CHD5: variants seen among roughly 807,000 people sequenced by gnomAD.
CHD5 encodes ATP-dependent chromatin remodeler CHD5.
Under a neutral mutation model 230.3 loss-of-function variants are expected in CHD5, and 69 were observed. The observed-to-expected ratio is 0.30, with a 90% CI of 0.25 to 0.37. CHD5 has a LOEUF of 0.37. Among genes scored for constraint, CHD5 ranks in the 10% least tolerant of loss-of-function variants. The pLI is 1.00. For missense variants in CHD5, 1,827 were observed against 2,622.8 expected (o/e 0.70, Z 6.63); for synonymous variants, 1,064 against 1,065.9 (o/e 1.00, Z 0.03).
rs1287350413 is a variant in CHD5 at position 6,149,040 on chromosome 1, G to A, written c.1197C>T (p.Asp399=). ...KEGIQWEPKD[D]DDEEEEGGCE... is the part of the protein sequence containing the mutation. ...AGCCGCCCTCCTCCTCTTCATCGTC[G>A]TCGTCCTTCGGCTCCCACTGGATCC... Residue 399 remains aspartate (D), a synonymous_variant, in exon 9 of 42, where the codon GAC becomes GAT. Transcript: ENST00000262450. The A allele has an allele frequency of 2.5e-6, 4 of 1,583,116 alleles. No homozygotes were observed. The highest frequency in any genetic ancestry group is 1.8e-5 in the Admixed American group (1 of 56,298).
intron 11 of CHD5, among the ~76,000 whole-genome samples, chr1:6,144,827 CA>C (rs1666884946): frequency 6.6e-6 from 1 of 152,224 alleles, no homozygotes; most frequent in African/African-American, 2.4e-5. Flanking sequence ...ACCCGGTGAG[CA>C]GCGGCTGCTG....
chr1:6,128,320 G>C lies in CHD5; in HGVS notation c.3731-102C>G. On this transcript the variant is annotated intron_variant, in intron 24 of 41. Coordinates refer to ENST00000262450, the MANE Select transcript of CHD5 (RefSeq NM_015557.3). The surrounding 1 kb of genome is among the most constrained non-coding windows in gnomAD (Gnocchi z 7.8). ...ACAATGGCCCTTCCCATCCCCAGCA[G>C]GGGCTGCAGCTGAGAGGCATGGTGA... 7.8e-7 allele frequency: 1 copy of C among 1,276,500 alleles called. No individual in the cohort carries two copies. The highest frequency in any genetic ancestry group is 2.0e-5 in the Admixed American group (1 of 50,522). The allele number at this position is 1,276,500 out of a possible 1,614,324, so 79.1% of individuals were successfully genotyped here. A position where few individuals can be genotyped will look rare whatever the true frequency, so the allele number is the denominator to read the frequency against.
chr1:6,115,261 A>AG (rs1293510828), intron 33 of CHD5, among the ~76,000 whole-genome samples: 4 of 151,980 alleles, frequency 2.6e-5, no homozygotes, highest in Non-Finnish European at 5.9e-5. Context: ...AAAAAAAAAA[A>AG]AAAGAAAGGA....
At chr1:6,150,924 C>T in intron 7 of CHD5, 108 bp downstream of exon 7, 2 of 1,316,836 alleles carry the variant, frequency 1.5e-6, no homozygotes, top group African/African-American at 1.5e-5. Context: ...AGGTTCCATG[C>T]CCCGCACATC....
rs1266679384 is a variant in CHD5, at chr1:6,154,312, C to T, written c.745+348G>A. Among the ~76,000 whole-genome samples, 19 of 152,166 alleles carry T rather than the reference C, an allele frequency of 1.2e-4. 1 individual carries two copies. The highest frequency in any genetic ancestry group is 1.2e-3 in the Admixed American group (19 of 15,280). ...CAAGAGCCTGCCAACTCCCAGAAAC[C>T]CAGGCTGGAGCGGCTCCACTCTGCG... On this transcript the variant is annotated intron_variant, in intron 5 of 41. Transcript: ENST00000262450. This position sits in a 1 kb window ranked among gnomAD's most constrained non-coding sequence, Gnocchi z 7.0.
At chr1:6,160,786 C>G (rs1307435746) in intron 2 of CHD5, among the ~76,000 whole-genome samples, 1 of 152,228 alleles carries the variant, frequency 6.6e-6, no homozygotes, top group Non-Finnish European at 1.5e-5. Context: ...AGTTTCCTGT[C>G]TGTACAGGCA....
intron 31 of CHD5, among the ~76,000 whole-genome samples, chr1:6,122,053 G>A (rs531788650): frequency 9.2e-5 from 14 of 152,338 alleles, no homozygotes; most frequent in South Asian, 4.1e-4. Flanking sequence ...CCGGGAAAGC[G>A]GAGGCCCACA....
In CHD5 at chr1:6,102,072, C is replaced by T. The variant is rs553443228; in HGVS notation, c.*3402G>A. On this transcript the variant is annotated 3_prime_UTR_variant, in exon 42 of 42. Transcript: ENST00000262450. ...AGGGGTCGGCCCCCTCTTAGCTGGG[C>T]CTGGGCCGGTGGAGTCTGCTCCCTC... The T allele has an allele frequency of 2.8e-5, 11 of 391,082 alleles. No homozygotes were observed. Among genetic ancestry groups the T allele is most frequent in the South Asian group, 2.0e-4 (11 of 55,390 alleles). 24.2% of individuals were successfully genotyped at this position (391,082 alleles called of 1,614,324 possible).
In CHD5 at chr1:6,146,506, G is replaced by T; in HGVS notation, c.1591-83C>A. ...TCCCTACCCAGCTCCTCTAGCCCCA[G>T]CCCAGGTCCCAGGCAGGACAATCCT... On this transcript the variant is annotated intron_variant, in intron 10 of 41. Coordinates refer to ENST00000262450, the MANE Select transcript of CHD5 (RefSeq NM_015557.3). This position sits in a 1 kb window ranked among gnomAD's most constrained non-coding sequence, Gnocchi z 5.1. The T allele has an allele frequency of 6.8e-7, 1 of 1,460,620 alleles. No homozygotes were observed. The highest frequency in any genetic ancestry group is 9.5e-7 in the Non-Finnish European group (1 of 1,052,112). 90.5% of individuals were successfully genotyped at this position (1,460,620 alleles called of 1,614,324 possible).
rs1667286151 is a variant in CHD5 at position 6,168,294 on chromosome 1, G to T, written c.80-17C>A. 1.3e-6 allele frequency: 2 copies of T among 1,584,558 alleles called. No individual in the cohort carries two copies. Among genetic ancestry groups the T allele is most frequent in the African/African-American group, 2.7e-5 (2 of 74,100 alleles). On this transcript the variant is annotated splice_polypyrimidine_tract_variant and intron_variant, in intron 1 of 41. Coordinates refer to ENST00000262450, the MANE Select transcript of CHD5 (RefSeq NM_015557.3). ...CTTCTTCTTCTGGAAAAATCAGAAGGTGGCAGCAGTTACTCCTGAGCTTCC... is the reference window on the plus strand; with the variant it reads ...CTTCTTCTTCTGGAAAAATCAGAAGTTGGCAGCAGTTACTCCTGAGCTTCC...
intron 15 of CHD5, among the ~76,000 whole-genome samples, chr1:6,139,705 T>C (rs778382157): frequency 2.6e-5 from 4 of 152,190 alleles, no homozygotes; most frequent in African/African-American, 4.8e-5. Context: ...TGCACACCAC[T>C]GTGCCCAGCT....
chr1:6,112,849 C>A, intron 34 of CHD5, 60 bp downstream of exon 34: 2 of 1,293,938 alleles, frequency 1.5e-6, no homozygotes, highest in Admixed American at 1.9e-5. Context: ...TGAACAGGGT[C>A]CAGAGGGCAC....
At chr1:6,136,364 G>A (rs926089620) in intron 17 of CHD5, among the ~76,000 whole-genome samples, 153 bp downstream of exon 17, 4 of 151,884 alleles carry the variant, frequency 2.6e-5, no homozygotes, top group African/African-American at 9.7e-5. Context: ...GCTCCTGCAG[G>A]AGGTCAAAGC....
Position 6,154,336 on chromosome 1 carries a change from C to T in CHD5, c.745+324G>A, listed in dbSNP as rs9434722. ...CCCAGGCTGGAGCGGCTCCACTCTG[C>T]GTACCTCTGGTCCCGCCCTCCCTCC... On this transcript the variant is annotated intron_variant, in intron 5 of 41. Transcript: ENST00000262450. This position sits in a 1 kb window ranked among gnomAD's most constrained non-coding sequence, Gnocchi z 7.0. Among the ~76,000 whole-genome samples, 1 of 152,080 alleles carries T rather than the reference C, an allele frequency of 6.6e-6. No individual in the cohort carries two copies. Among genetic ancestry groups the T allele is most frequent in the East Asian group, 1.9e-4 (1 of 5,168 alleles).
At chr1:6,176,263 G>GT (rs1159731734) in intron 1 of CHD5, among the ~76,000 whole-genome samples, 1 of 152,202 alleles carries the variant, frequency 6.6e-6, no homozygotes, top group Non-Finnish European at 1.5e-5. Flanking sequence ...AATCATGACT[G>GT]TCACTCTCTC....
intron 1 of CHD5, among the ~76,000 whole-genome samples, chr1:6,168,775 T>C (rs1452960793): frequency 2.0e-5 from 3 of 151,858 alleles, no homozygotes; most frequent in Admixed American, 1.3e-4. Flanking sequence ...TCCCAACACT[T>C]TGGGAGGCTG....
Position 6,130,106 on chromosome 1 carries a change from T to G in CHD5, c.3387+98A>C. 2 of 1,388,764 alleles carry G rather than the reference T, an allele frequency of 1.4e-6. No homozygotes were observed. The highest frequency in any genetic ancestry group is 2.0e-6 in the Non-Finnish European group (2 of 997,956). 86.0% of individuals were successfully genotyped at this position (1,388,764 alleles called of 1,614,324 possible). ...GGGAGGCCCACAGCACCAGGATAGG[T>G]GAGGGGGTGATGGCAAGAAGGGCAT... On this transcript the variant is annotated intron_variant, in intron 22 of 41. Transcript: ENST00000262450. This position sits in a 1 kb window ranked among gnomAD's most constrained non-coding sequence, Gnocchi z 4.9.
intron 1 of CHD5, 42 bp downstream of exon 1, chr1:6,179,903 C>A (rs1405185591): frequency 8.7e-7 from 1 of 1,151,924 alleles, no homozygotes; most frequent in African/African-American, 1.7e-5. Context: ...CGTCTCGGCG[C>A]CCCCGCCGCT....
At chr1:6,175,890 T>A (rs189847637) in intron 1 of CHD5, among the ~76,000 whole-genome samples, 5 of 151,220 alleles carry the variant, frequency 3.3e-5, no homozygotes, top group African/African-American at 9.7e-5. Flanking sequence ...GAATAGTGGA[T>A]AGGAAGAACA....
Sources: gnomAD v4.1 joint callset for allele counts (sites outside exome capture counted in the v4.1 genomes callset) on GRCh38, gnomAD v4.1.1 for gene constraint, Gnocchi (gnomAD v3.1) non-coding constraint, MANE v1.5 for transcripts, NCBI Gene and HGNC (gene_info 2026-07-23, HGNC 2026-07-21) for gene names.